Variants in DAGLA observed in about 807,000 individuals in gnomAD.
DAGLA encodes the protein diacylglycerol lipase-alpha.
Under a neutral mutation model 102.6 loss-of-function variants are expected in DAGLA, and 22 were observed. The observed-to-expected ratio is 0.21, with a 90% CI of 0.15 to 0.31. DAGLA has a LOEUF of 0.31. Among genes scored for constraint, DAGLA ranks in the 10% least tolerant of loss-of-function variants. DAGLA has a pLI of 1.00. For missense variants in DAGLA, 927 were observed against 1,446.6 expected, an observed-to-expected ratio of 0.64 and a Z score of 5.83; for synonymous variants, 578 against 628.9, an observed-to-expected ratio of 0.92 and a Z score of 1.21.
intron 6 of DAGLA, among the ~76,000 whole-genome samples, chr11:61,727,465 G>A (rs1362199259): frequency 6.6e-6 from 1 of 152,224 alleles, no homozygotes; most frequent in East Asian, 1.9e-4. Context: ...GGTTAGGGAA[G>A]AGGCTCTGGG....
In DAGLA at chr11:61,743,885, C is replaced by A. The variant is rs773848432; in HGVS notation, c.2525C>A (p.Ala842Glu). 1 of 1,612,324 alleles carries A rather than the reference C, an allele frequency of 6.2e-7. No homozygotes were observed. Among genetic ancestry groups the A allele is most frequent in the South Asian group, 1.1e-5 (1 of 91,080 alleles). ...PSLSSRTELL[A>E]ADSLSKHSQD... ...CTGAGCTCGCGCACTGAGCTGCTGG[C>A]GGCCGACAGCCTGTCCAAGCACTCA... Residue 842 changes from alanine to glutamate, a missense_variant, in exon 20 of 20, where the codon GCG (alanine) becomes GAG (glutamate). Ala to Glu is a moderately radical substitution (Grantham distance 107). This residue lies in a region of DAGLA where 434 missense variants were observed against 503.3 expected (regional missense o/e 0.86). Transcript: ENST00000257215.
At chr11:61,718,999 G>A (rs759946033) in intron 1 of DAGLA, among the ~76,000 whole-genome samples, 73 of 152,310 alleles carry the variant, frequency 4.8e-4, no homozygotes, top group Non-Finnish European at 8.7e-4. Flanking sequence ...CCCGGACCAG[G>A]TGCCATGTAA....
At chr11:61,700,621 G>A (rs1174455296) in intron 1 of DAGLA, among the ~76,000 whole-genome samples, 7 of 152,194 alleles carry the variant, frequency 4.6e-5, no homozygotes, top group African/African-American at 1.7e-4. Context: ...TGGCATCCTA[G>A]GGAAGAGGGA....
rs150967936 is a variant in DAGLA at position 61,739,547 on chromosome 11, C to A, written c.1739C>A (p.Thr580Lys). Residue 580 changes from threonine (T) to lysine (K), a missense_variant, in exon 17 of 20, where the codon ACG becomes AAG. Transcript: ENST00000257215. ...GTAGAGGTGACCACCCTGGCCAGCA[C>A]GCGGCTCTGGACCCACCCCAGCGAC... ...EEVEVTTLASTRLWTHPSDLT... is the reference protein window; with the variant it reads ...EEVEVTTLASKRLWTHPSDLT... 1.9e-6 allele frequency: 3 copies of A among 1,614,160 alleles called. No homozygotes were observed. The highest frequency in any genetic ancestry group is 1.7e-6 in the Non-Finnish European group (2 of 1,180,040).
At chr11:61,691,461 T>G (rs1440962532) in intron 1 of DAGLA, among the ~76,000 whole-genome samples, 1 of 152,194 alleles carries the variant, frequency 6.6e-6, no homozygotes, top group East Asian at 1.9e-4. Flanking sequence ...CAAATCGAGC[T>G]CCTGGTTCTT....
intron 1 of DAGLA, among the ~76,000 whole-genome samples, chr11:61,704,177 T>A (rs2065132312): frequency 6.7e-6 from 1 of 150,012 alleles, no homozygotes; most frequent in Admixed American, 6.7e-5. Flanking sequence ...TGGAGTGCAA[T>A]GGCACGATCT....
chr11:61,734,799 G>A lies in DAGLA; in HGVS notation c.975-50G>A. ...CCAGGGACAGTGGCAGGAGACATTTGTTCCCTCGGGGACTCCCTGGCCCTG... is the reference window on the plus strand; with the variant it reads ...CCAGGGACAGTGGCAGGAGACATTTATTCCCTCGGGGACTCCCTGGCCCTG... On this transcript the variant is annotated intron_variant, in intron 9 of 19. Coordinates refer to ENST00000257215, the MANE Select transcript of DAGLA (RefSeq NM_006133.3). This position sits in a 1 kb window ranked among gnomAD's most constrained non-coding sequence, Gnocchi z 4.2. 6.4e-7 allele frequency: 1 copy of A among 1,562,336 alleles called. No individual in the cohort carries two copies. Among genetic ancestry groups the A allele is most frequent in the Non-Finnish European group, 8.7e-7 (1 of 1,143,802 alleles).
At chr11:61,718,488 A>C (rs1366456590) in intron 1 of DAGLA, among the ~76,000 whole-genome samples, 2 of 151,134 alleles carry the variant, frequency 1.3e-5, no homozygotes, top group East Asian at 2.0e-4. Flanking sequence ...ACGGTGCCCC[A>C]GCCCCCCCTC....
intron 1 of DAGLA, among the ~76,000 whole-genome samples, chr11:61,718,290 C>G (rs1034391068): frequency 1.3e-5 from 2 of 152,074 alleles, no homozygotes; most frequent in African/African-American, 4.8e-5. Context: ...GGCGTACTGC[C>G]CCCCCAGCCT....
chr11:61,708,763 T>A (rs2065170914), intron 1 of DAGLA, among the ~76,000 whole-genome samples: 1 of 152,184 alleles, frequency 6.6e-6, no homozygotes, highest in Non-Finnish European at 1.5e-5. Flanking sequence ...CATCCTATTT[T>A]ATAGACGAGG....
chr11:61,724,237 AG>A (rs1328175425), intron 5 of DAGLA, among the ~76,000 whole-genome samples: 1 of 152,198 alleles, frequency 6.6e-6, no homozygotes, highest in African/African-American at 2.4e-5. Context: ...GAGGGCATCC[AG>A]GTAGTGTCAC....
chr11:61,723,373 C>G (rs906180239), intron 4 of DAGLA, 61 bp from the exon 5 acceptor site: 26 of 1,581,906 alleles, frequency 1.6e-5, no homozygotes, highest in Non-Finnish European at 2.2e-5. Context: ...TTCTTCAGAG[C>G]GGGTGAGCCA....
At chr11:61,737,650 C>T in intron 14 of DAGLA, 37 bp from the exon 15 acceptor site, 3 of 1,593,104 alleles carry the variant, frequency 1.9e-6, no homozygotes, top group Non-Finnish European at 2.6e-6. Flanking sequence ...CCACCCCGCC[C>T]CCTTGGCCTT....
intron 1 of DAGLA, among the ~76,000 whole-genome samples, chr11:61,719,283 A>G (rs1185677271): frequency 1.3e-5 from 2 of 152,172 alleles, no homozygotes; most frequent in Non-Finnish European, 2.9e-5. Context: ...GAAAAGCTGC[A>G]TGGCTCAGGG....
At chr11:61,709,686 G>C (rs907385820) in intron 1 of DAGLA, among the ~76,000 whole-genome samples, 1 of 152,042 alleles carries the variant, frequency 6.6e-6, no homozygotes, top group African/African-American at 2.4e-5. Flanking sequence ...GTGGTGGCAG[G>C]TGCCACCTCC....
intron 1 of DAGLA, among the ~76,000 whole-genome samples, chr11:61,681,547 G>A (rs1412061242): frequency 4.6e-5 from 7 of 152,090 alleles, no homozygotes; most frequent in Non-Finnish European, 8.8e-5. Flanking sequence ...GTAGTCACGG[G>A]GTCCTGCCTT....
intron 1 of DAGLA, among the ~76,000 whole-genome samples, chr11:61,695,956 G>A (rs1465480623): frequency 1.3e-5 from 2 of 152,172 alleles, no homozygotes; most frequent in African/African-American, 2.4e-5. Context: ...TGTGGTGACC[G>A]TTCTCCCACC....
intron 5 of DAGLA, among the ~76,000 whole-genome samples, chr11:61,723,848 C>T (rs1035844844): frequency 3.9e-5 from 6 of 152,180 alleles, no homozygotes; most frequent in East Asian, 3.8e-4. Flanking sequence ...GGTAAGTGCT[C>T]GGTTAATAGT....
In DAGLA at chr11:61,728,148, C is replaced by T. The variant is rs779678975; in HGVS notation, c.637-5C>T. The T allele has an allele frequency of 3.7e-6, 6 of 1,613,708 alleles. No homozygotes were observed. The highest frequency in any genetic ancestry group is 1.3e-5 in the African/African-American group (1 of 74,926). ...CACTGCCTCCTGCCTTCCTGGACCT[C>T]GTAGGATGCCTACTCAGAAATCGCC... is the stretch of plus-strand genomic sequence containing the variant. On this transcript the variant is annotated splice_region_variant and splice_polypyrimidine_tract_variant and intron_variant, in intron 6 of 19. Transcript: ENST00000257215.
Sources: allele counts gnomAD v4.1 joint callset (sites outside exome capture counted in the v4.1 genomes callset), GRCh38; gene constraint gnomAD v4.1.1; regional missense constraint gnomAD v4.1.1; non-coding constraint Gnocchi (gnomAD v3.1); transcripts MANE v1.5; gene names NCBI Gene and HGNC (gene_info 2026-07-23, HGNC 2026-07-21).